Variants in GPC5 observed in about 807,000 individuals in gnomAD.
The protein encoded by GPC5 is glypican 5.
Under a neutral mutation model 53.9 loss-of-function variants are expected in GPC5, and 47 were observed. The observed-to-expected ratio is 0.87, with a 90% confidence interval of 0.69 to 1.11. GPC5 has a LOEUF of 1.11. GPC5 is among the 50% of genes most tolerant of loss of function. The pLI is 0.00. For synonymous variants in GPC5, 286 were observed against 263.3 expected (o/e 1.09, Z -0.84); for missense variants, 748 against 713.1 (o/e 1.05, Z -0.56).
intron 5 of GPC5, among the ~76,000 whole-genome samples, chr13:91,856,770 C>A (rs2038971866): frequency 1.3e-5 from 2 of 151,142 alleles, no homozygotes. Context: ...ATCATTATTT[C>A]TTTTTCATTT....
intron 5 of GPC5, among the ~76,000 whole-genome samples, chr13:91,853,490 G>A (rs1333284401): frequency 6.6e-6 from 1 of 151,936 alleles, no homozygotes; most frequent in East Asian, 1.9e-4. Flanking sequence ...TTACAGCATG[G>A]AGAGATTTAC....
intron 7 of GPC5, among the ~76,000 whole-genome samples, chr13:92,474,394 G>A (rs1241648170): frequency 6.6e-6 from 1 of 151,968 alleles, no homozygotes; most frequent in Non-Finnish European, 1.5e-5. Flanking sequence ...AAGTAATTGT[G>A]TTACGGTGGC....
chr13:91,573,201 G>A (rs890748556), intron 2 of GPC5, among the ~76,000 whole-genome samples: 4 of 152,148 alleles, frequency 2.6e-5, no homozygotes, highest in South Asian at 2.1e-4. Flanking sequence ...GAGCTGTCAC[G>A]AATTCATCTG....
chr13:91,821,524 T>C (rs1180160449), intron 5 of GPC5, among the ~76,000 whole-genome samples: 2 of 152,202 alleles, frequency 1.3e-5, no homozygotes, highest in East Asian at 3.8e-4. Context: ...TGATTCTAAA[T>C]CAAAGTAATA....
chr13:92,207,294 T>C (rs552692829), intron 7 of GPC5, among the ~76,000 whole-genome samples: 44 of 152,128 alleles, frequency 2.9e-4, no homozygotes, highest in Middle Eastern at 3.4e-3. Flanking sequence ...CCAGATGGAG[T>C]AAAGGCACAA....
At chr13:91,437,378 G>A (rs1004128425) in intron 1 of GPC5, among the ~76,000 whole-genome samples, 2 of 152,116 alleles carry the variant, frequency 1.3e-5, no homozygotes, top group Admixed American at 6.5e-5. Context: ...TTTAGGGCAG[G>A]CCTGGTGGTG....
At chr13:92,742,262 T>A (rs1326630331) in intron 7 of GPC5, among the ~76,000 whole-genome samples, 1 of 151,558 alleles carries the variant, frequency 6.6e-6, no homozygotes, top group Non-Finnish European at 1.5e-5. Flanking sequence ...TCCTGACTTT[T>A]TAATGATTGC....
intron 6 of GPC5, among the ~76,000 whole-genome samples, chr13:92,102,667 G>A (rs2041476658): frequency 6.6e-6 from 1 of 152,254 alleles, no homozygotes. Context: ...CAGTGGGAAG[G>A]ATTCATTTAG....
chr13:92,485,474 A>T (rs917179019), intron 7 of GPC5, among the ~76,000 whole-genome samples: 1 of 152,162 alleles, frequency 6.6e-6, no homozygotes, highest in Admixed American at 6.6e-5. Flanking sequence ...TTAAGATAAC[A>T]TCACAAGTTC....
intron 7 of GPC5, among the ~76,000 whole-genome samples, chr13:92,271,089 G>A (rs998242037): frequency 2.6e-5 from 4 of 151,438 alleles, no homozygotes; most frequent in East Asian, 1.9e-4. Flanking sequence ...TTTCCAGGGC[G>A]CCCACAGAAA....
At chr13:92,015,915 T>C (rs556273309) in intron 6 of GPC5, among the ~76,000 whole-genome samples, 138 of 152,370 alleles carry the variant, frequency 9.1e-4, no homozygotes, top group African/African-American at 3.2e-3. Context: ...AAATAGCTTA[T>C]ATATTGTCCA....
intron 6 of GPC5, among the ~76,000 whole-genome samples, chr13:91,946,391 C>T (rs1198599611): frequency 1.3e-5 from 2 of 152,048 alleles, no homozygotes; most frequent in Admixed American, 6.6e-5. Flanking sequence ...TATGCTTCTC[C>T]ATCTACCTCT....
At chr13:92,438,742 G>A (rs1170401570) in intron 7 of GPC5, among the ~76,000 whole-genome samples, 2 of 152,018 alleles carry the variant, frequency 1.3e-5, no homozygotes, top group Admixed American at 1.3e-4. Flanking sequence ...CATATTGAGG[G>A]AATTTTGGAG....
intron 7 of GPC5, among the ~76,000 whole-genome samples, chr13:92,416,589 C>T (rs996622341): frequency 1.8e-4 from 28 of 152,220 alleles, no homozygotes; most frequent in Non-Finnish European, 3.8e-4. Flanking sequence ...GTATCATAAA[C>T]ATAAAGTAGT....
At chr13:92,159,396 T>C (rs2041969370) in intron 7 of GPC5, among the ~76,000 whole-genome samples, 1 of 152,008 alleles carries the variant, frequency 6.6e-6, no homozygotes, top group Non-Finnish European at 1.5e-5. Context: ...CCAGCTAACT[T>C]TACCTCCATC....
intron 7 of GPC5, among the ~76,000 whole-genome samples, chr13:92,647,605 A>C (rs1481828374): frequency 6.6e-6 from 1 of 152,116 alleles, no homozygotes; most frequent in Non-Finnish European, 1.5e-5. Flanking sequence ...CAGAGTTTGA[A>C]CTCTAATCTG....
intron 6 of GPC5, among the ~76,000 whole-genome samples, chr13:91,917,892 CTG>C (rs1157612577): frequency 6.6e-6 from 1 of 152,320 alleles, no homozygotes; most frequent in South Asian, 2.1e-4. Flanking sequence ...GCCCTCCAAA[CTG>C]TGTCAACCTC....
At chr13:91,593,364 C>A (rs7999191) in intron 2 of GPC5, among the ~76,000 whole-genome samples, 129,866 of 152,170 alleles carry the variant, frequency 0.85, 57,293 homozygotes, top group Non-Finnish European at 0.96. Context: ...AGTGGCCCTT[C>A]CTGGGTATGT....
intron 7 of GPC5, among the ~76,000 whole-genome samples, chr13:92,176,711 C>T (rs2042111199): frequency 2.0e-5 from 3 of 152,134 alleles, no homozygotes; most frequent in Non-Finnish European, 2.9e-5. Context: ...CTCCAGAGTG[C>T]CTGGAGCTAG....
Sources: gnomAD v4.1 joint callset for allele counts (sites outside exome capture counted in the v4.1 genomes callset) on GRCh38, gnomAD v4.1.1 for gene constraint, MANE v1.5 for transcripts, NCBI Gene and HGNC (gene_info 2026-07-23, HGNC 2026-07-21) for gene names.